The following SLC9A9 variants were observed in gnomAD, a reference collection of about 807,000 sequenced individuals.
SLC9A9 encodes the protein solute carrier family 9 member A9.
Under a neutral mutation model 77.8 loss-of-function variants are expected in SLC9A9, and 62 were observed. The ratio of observed to expected loss-of-function variants is 0.80; its 90% CI spans 0.65 to 0.98. The LOEUF is 0.98. Ranked by LOEUF, SLC9A9 falls within the 50% of genes least tolerant of loss-of-function variation. SLC9A9 has a pLI of 0.00. For synonymous variants in SLC9A9, 320 were observed against 283.5 expected (o/e 1.13, Z -1.29); for missense variants, 775 against 774.9 (o/e 1.00, Z 0.00).
intron 6 of SLC9A9, among the ~76,000 whole-genome samples, chr3:143,591,163 C>A (rs556545543): frequency 6.6e-6 from 1 of 152,324 alleles, no homozygotes; most frequent in South Asian, 2.1e-4. Flanking sequence ...TTCCCCCAGA[C>A]CCTTCCCTGA....
chr3:143,450,726 A>T (rs10212321), intron 12 of SLC9A9, among the ~76,000 whole-genome samples: 1 of 152,078 alleles, frequency 6.6e-6, no homozygotes, highest in Non-Finnish European at 1.5e-5. Context: ...ACAGTGAATT[A>T]AAAAAGGGTA....
chr3:143,368,742 T>C (rs1241089476), intron 13 of SLC9A9, among the ~76,000 whole-genome samples: 5 of 152,204 alleles, frequency 3.3e-5, no homozygotes, highest in African/African-American at 1.2e-4. Flanking sequence ...AATTGGAGTA[T>C]ATTTGTATAA....
At chr3:143,830,616 A>G (rs1405312657) in intron 2 of SLC9A9, among the ~76,000 whole-genome samples, 2 of 152,210 alleles carry the variant, frequency 1.3e-5, no homozygotes, top group African/African-American at 4.8e-5. Context: ...GTTTGAAGAA[A>G]TAGTGCTGTA....
intron 5 of SLC9A9, among the ~76,000 whole-genome samples, chr3:143,682,470 A>C (rs1339707307): frequency 2.0e-5 from 3 of 152,322 alleles, no homozygotes; most frequent in East Asian, 3.9e-4. Context: ...CAATGAAAGC[A>C]GCTATAAAAA....
At chr3:143,447,539 C>A (rs528917686) in intron 12 of SLC9A9, among the ~76,000 whole-genome samples, 1 of 152,172 alleles carries the variant, frequency 6.6e-6, no homozygotes, top group East Asian at 1.9e-4. Flanking sequence ...AAATGGTTTC[C>A]AGTTAGTATT....
chr3:143,355,335 G>T (rs941874302), intron 14 of SLC9A9, among the ~76,000 whole-genome samples: 1 of 152,094 alleles, frequency 6.6e-6, no homozygotes, highest in Non-Finnish European at 1.5e-5. Context: ...AAGACATGTG[G>T]CTATCAGTAG....
At chr3:143,811,740 T>C (rs1305705924) in intron 2 of SLC9A9, 2 of 454,598 alleles carry the variant, frequency 4.4e-6, no homozygotes, top group Admixed American at 4.7e-5. Flanking sequence ...CACACGCCTG[T>C]AATCCCAGCT....
chr3:143,339,729 G>T (rs759443399), intron 14 of SLC9A9, among the ~76,000 whole-genome samples: 20 of 152,046 alleles, frequency 1.3e-4, no homozygotes, highest in Non-Finnish European at 5.9e-5. Flanking sequence ...CAATAATCAC[G>T]TCTACTCTGA....
In SLC9A9 at chr3:143,699,863, C is replaced by T. The variant is rs372272957; in HGVS notation, c.534-6556G>A. On this transcript the variant is annotated intron_variant, in intron 4 of 15. Coordinates refer to ENST00000316549, the MANE Select transcript of SLC9A9 (RefSeq NM_173653.4). The stretch of plus-strand genomic sequence containing the variant: ...GAAACACCAGTCAGCGTGGCTAATG[C>T]GGTGCCTGTGTGACCCCTCCTTCAA... Among the ~76,000 whole-genome samples, 36 of 152,096 alleles carry T rather than the reference C, an allele frequency of 2.4e-4. No individual in the cohort carries two copies. The East Asian group carries it at 4.1e-3, about 17-fold the overall frequency.
intron 4 of SLC9A9, among the ~76,000 whole-genome samples, chr3:143,764,574 T>C (rs796202225): frequency 4.6e-5 from 7 of 152,280 alleles, no homozygotes; most frequent in African/African-American, 1.7e-4. Context: ...CTGGGTTTGT[T>C]TGTTGGTTTT....
At chr3:143,706,770 A>G (rs528070078) in intron 4 of SLC9A9, among the ~76,000 whole-genome samples, 6 of 152,222 alleles carry the variant, frequency 3.9e-5, no homozygotes, top group Non-Finnish European at 4.4e-5. Context: ...ATGTGGTCCA[A>G]CACAAATTCA....
At chr3:143,268,518 G>A (rs1937796800) in intron 15 of SLC9A9, among the ~76,000 whole-genome samples, 1 of 152,050 alleles carries the variant, frequency 6.6e-6, no homozygotes, top group Admixed American at 6.5e-5. Context: ...TGGATCACGA[G>A]GTCAGGAGAT....
intron 14 of SLC9A9, among the ~76,000 whole-genome samples, chr3:143,279,584 G>A (rs1049846421): frequency 6.6e-6 from 1 of 151,872 alleles, no homozygotes; most frequent in Non-Finnish European, 1.5e-5. Flanking sequence ...CACTCAACGG[G>A]CCCCAGTGTG....
intron 14 of SLC9A9, among the ~76,000 whole-genome samples, chr3:143,301,768 C>T (rs1055454159): frequency 2.6e-5 from 4 of 152,116 alleles, no homozygotes; most frequent in South Asian, 2.1e-4. Flanking sequence ...TAGAGTGTTC[C>T]GCTTTCCCTT....
chr3:143,655,270 T>C (rs2038868657), intron 5 of SLC9A9, among the ~76,000 whole-genome samples: 1 of 152,206 alleles, frequency 6.6e-6, no homozygotes, highest in Admixed American at 6.5e-5. Flanking sequence ...TTGGGACAGC[T>C]GTGGACATGC....
chr3:143,493,030 C>G (rs1292636372), intron 11 of SLC9A9, among the ~76,000 whole-genome samples: 1 of 152,164 alleles, frequency 6.6e-6, no homozygotes, highest in African/African-American at 2.4e-5. Flanking sequence ...TGGAAAGGAG[C>G]CTTGAGGTAT....
intron 2 of SLC9A9, among the ~76,000 whole-genome samples, 185 bp from the exon 3 acceptor site, chr3:143,797,088 A>G (rs1362893249): frequency 6.6e-6 from 1 of 151,896 alleles, no homozygotes; most frequent in Non-Finnish European, 1.5e-5. Flanking sequence ...GTATAACTGT[A>G]GCTTCTAAAG....
chr3:143,607,467 G>A (rs2037946743), intron 6 of SLC9A9, among the ~76,000 whole-genome samples: 1 of 152,056 alleles, frequency 6.6e-6, no homozygotes, highest in South Asian at 2.1e-4. Context: ...TAAAACACTA[G>A]CAAATTGATA....
intron 12 of SLC9A9, among the ~76,000 whole-genome samples, chr3:143,383,494 G>A (rs964339683): frequency 6.6e-6 from 1 of 152,216 alleles, no homozygotes; most frequent in Non-Finnish European, 1.5e-5. Flanking sequence ...GTAGTGGAAA[G>A]AAACAGCAGT....
Sources: gnomAD v4.1 joint callset for allele counts (sites outside exome capture counted in the v4.1 genomes callset) on GRCh38, gnomAD v4.1.1 for gene constraint, MANE v1.5 for transcripts, NCBI Gene and HGNC (gene_info 2026-07-23, HGNC 2026-07-21) for gene names.